MYO7A: variants seen among roughly 807,000 people sequenced by gnomAD.
The protein encoded by MYO7A is unconventional myosin-VIIa.
A neutral mutation model predicts 263.8 loss-of-function variants in MYO7A; 210 were observed. The ratio of observed to expected loss-of-function variants is 0.80; its 90% confidence interval spans 0.71 to 0.89. The LOEUF (loss-of-function observed/expected upper bound fraction) is 0.89. Ranked by LOEUF, MYO7A falls within the 40% of genes least tolerant of loss-of-function variation. The pLI, the probability that MYO7A is intolerant of heterozygous loss-of-function variation, is 0.00. For synonymous variants in MYO7A, 1,239 were observed against 1,197.3 expected (o/e 1.03, Z -0.72); for missense variants, 2,820 against 2,968.3 (o/e 0.95, Z 1.16).
chr11:77,197,318 G>A (rs1290567608), intron 32 of MYO7A, among the ~76,000 whole-genome samples, 163 bp from the exon 33 acceptor site: 1 of 152,246 alleles, frequency 6.6e-6, no homozygotes, highest in Non-Finnish European at 1.5e-5. Flanking sequence ...TGAGAAAGGT[G>A]GGGACAGGGT....
intron 27 of MYO7A, among the ~76,000 whole-genome samples, chr11:77,186,689 G>A (rs1955671259): frequency 6.6e-6 from 1 of 152,208 alleles, no homozygotes. Flanking sequence ...GTTGTGGCTG[G>A]TTTGATCTAT....
At chr11:77,188,839 A>T (rs1021878145) in intron 27 of MYO7A, among the ~76,000 whole-genome samples, 1 of 152,326 alleles carries the variant, frequency 6.6e-6, no homozygotes, top group South Asian at 2.1e-4. Context: ...TACCAGAGAC[A>T]AAGTCCCTAC....
At chr11:77,212,281 A>C in intron 46 of MYO7A, 2 of 436,556 alleles carry the variant, frequency 4.6e-6, no homozygotes, top group Non-Finnish European at 4.5e-6. Context: ...AGGAGGTGAT[A>C]TCTGAGCTTT....
chr11:77,212,629 T>C, intron 46 of MYO7A: 3 of 430,980 alleles, frequency 7.0e-6, no homozygotes, highest in South Asian at 2.5e-5. Flanking sequence ...ATGGGAGGCC[T>C]TTTGAGGAGC....
intron 4 of MYO7A, among the ~76,000 whole-genome samples, chr11:77,154,977 G>A (rs1407110543): frequency 2.6e-5 from 4 of 152,192 alleles, no homozygotes; most frequent in African/African-American, 9.6e-5. Flanking sequence ...CCCTGAATGG[G>A]AGGGGGAGGG....
intron 8 of MYO7A, among the ~76,000 whole-genome samples, chr11:77,157,819 T>C (rs1340196182): frequency 1.3e-5 from 2 of 152,216 alleles, no homozygotes; most frequent in African/African-American, 4.8e-5. Context: ...CACACTCTTG[T>C]AGACACACAG....
intron 47 of MYO7A, 97 bp from the exon 48 acceptor site, chr11:77,213,763 T>A (rs766501689): frequency 4.5e-5 from 70 of 1,558,254 alleles, no homozygotes; most frequent in Non-Finnish European, 6.0e-5. Context: ...GGCCATGGGC[T>A]CCTCTGAGGG....
intron 1 of MYO7A, among the ~76,000 whole-genome samples, chr11:77,130,102 G>T (rs1555045649): frequency 6.6e-6 from 1 of 152,228 alleles, no homozygotes; most frequent in African/African-American, 2.4e-5. Context: ...GGGTGCTCTT[G>T]AGAGGTTTCA....
intron 26 of MYO7A, among the ~76,000 whole-genome samples, 154 bp from the exon 27 acceptor site, chr11:77,184,434 G>A (rs1158790469): frequency 2.0e-5 from 3 of 152,222 alleles, no homozygotes; most frequent in Non-Finnish European, 2.9e-5. Flanking sequence ...TGCTGTGCAC[G>A]TGGCAGGGGT....
chr11:77,201,397 C>G, intron 35 of MYO7A, 51 bp from the exon 36 acceptor site: 2 of 1,552,750 alleles, frequency 1.3e-6, no homozygotes, highest in Non-Finnish European at 1.8e-6. Flanking sequence ...GGAAGATGTT[C>G]CAACTCAGCC....
chr11:77,165,563 G>A (rs1343677659), intron 14 of MYO7A, among the ~76,000 whole-genome samples: 1 of 152,132 alleles, frequency 6.6e-6, no homozygotes, highest in African/African-American at 2.4e-5. Context: ...CTCCCTTTGG[G>A]GGCAGAGGAG....
At chr11:77,200,014 A>G (rs1268017165) in intron 35 of MYO7A, among the ~76,000 whole-genome samples, 196 bp downstream of exon 35, 5 of 152,190 alleles carry the variant, frequency 3.3e-5, no homozygotes, top group Non-Finnish European at 7.3e-5. Context: ...TATGCCTGCA[A>G]TCCCAGAGCT....
rs1304978395 is a variant in MYO7A at position 77,128,311 on chromosome 11, A to ACGG, written c.-222_-220dup. On this transcript the variant is annotated 5_prime_UTR_variant, in exon 1 of 49. Coordinates refer to ENST00000409709, the MANE Select transcript of MYO7A (RefSeq NM_000260.4). ...AGAGACAAGAGACACACACAGAGAG[A>ACGG]CGGCGAGGAAGGGAAAGACCCAGAG... 3 of 152,600 alleles carry ACGG rather than the reference A, an allele frequency of 2.0e-5. No individual in the cohort carries two copies. The highest frequency in any genetic ancestry group is 7.2e-5 in the African/African-American group (3 of 41,444). The allele number at this position is 152,600 out of a possible 1,614,324, so 9.5% of individuals were successfully genotyped here. A position where few individuals can be genotyped will look rare whatever the true frequency, so the allele number is the denominator to read the frequency against.
At chr11:77,157,134 G>C (rs1952548265) in intron 7 of MYO7A, 130 bp downstream of exon 7, 14 of 1,443,124 alleles carry the variant, frequency 9.7e-6, no homozygotes, top group Admixed American at 1.9e-5. Flanking sequence ...GCTTCCCTCT[G>C]TGCTGGAAAT....
intron 8 of MYO7A, 112 bp from the exon 9 acceptor site, chr11:77,158,165 G>GCTGGC (rs1485182519): frequency 1.6e-6 from 2 of 1,280,800 alleles, no homozygotes; most frequent in African/African-American, 3.0e-5. Context: ...GGGGCCCCGG[G>GCTGGC]CTGGCCTGGC....
At position 77,201,613 on chromosome 11, in the gene MYO7A, T is replaced by A. The variant is rs1957069970; in HGVS notation, c.5018T>A (p.Val1673Asp). The A allele has an allele frequency of 1.5e-5, 24 of 1,613,650 alleles. No homozygotes were observed. Among genetic ancestry groups the A allele is most frequent in the Non-Finnish European group, 2.0e-5 (24 of 1,179,694 alleles). Reference sequence around the variant, plus strand: ...GACAGTGTGTACGTCATGCCCACTGTCACCATGCCACCGCGGGAGATTGTG... The same window carrying A: ...GACAGTGTGTACGTCATGCCCACTGACACCATGCCACCGCGGGAGATTGTG... ...PTDSVYVMPTVTMPPREIVAL... is the reference protein window; with the variant it reads ...PTDSVYVMPTDTMPPREIVAL... The change falls in exon 36 of 49, where the codon GTC becomes GAC. Residue 1673 changes from valine (V) to aspartate (D), a missense_variant. By Grantham distance (152) the Val-to-Asp change is radical. Transcript: ENST00000409709.
chr11:77,199,130 T>TA (rs1482213882), intron 34 of MYO7A, among the ~76,000 whole-genome samples: 3 of 152,134 alleles, frequency 2.0e-5, no homozygotes, highest in Non-Finnish European at 2.9e-5. Flanking sequence ...AGCAGTGTCT[T>TA]TGGGTTGTGT....
Position 77,179,893 on chromosome 11 carries a change from C to G in MYO7A, c.2526C>G (p.Thr842=). ...AFRHRLWAVL[T]VQAYARGMIA... is the part of the protein sequence containing the mutation. ...GCCACCGCCTCTGGGCTGTGCTCAC[C>G]GTGCAGGCCTATGCCCGGGGCATGA... Residue 842 remains threonine, a synonymous_variant, in exon 21 of 49, where the codon ACC becomes ACG. Transcript: ENST00000409709. 2 of 1,539,810 alleles carry G rather than the reference C, an allele frequency of 1.3e-6. No individual in the cohort carries two copies. Among genetic ancestry groups the G allele is most frequent in the Non-Finnish European group, 8.7e-7 (1 of 1,146,324 alleles).
At chr11:77,170,806 C>T (rs1954018346) in intron 15 of MYO7A, among the ~76,000 whole-genome samples, 1 of 152,088 alleles carries the variant, frequency 6.6e-6, no homozygotes, top group African/African-American at 2.4e-5. Flanking sequence ...TGGCTGGGAC[C>T]AGGCTGACGG....
Sources: gnomAD v4.1 joint callset for allele counts (sites outside exome capture counted in the v4.1 genomes callset) on GRCh38, gnomAD v4.1.1 for gene constraint, MANE v1.5 for transcripts, NCBI Gene and HGNC (gene_info 2026-07-23, HGNC 2026-07-21) for gene names.